CLMP: variants seen among roughly 807,000 people sequenced by gnomAD.
CLMP encodes the protein CXADR-like membrane protein.
In CLMP, 27 loss-of-function variants were observed where a neutral mutation model predicts 45.2. The ratio of observed to expected loss-of-function variants is 0.60; its 90% CI spans 0.44 to 0.82. The LOEUF (loss-of-function observed/expected upper bound fraction) is 0.82, where lower values mean the gene tolerates loss of function less well. Ranked by LOEUF, CLMP falls within the 40% of genes least tolerant of loss-of-function variation. CLMP has a pLI of 0.00. For synonymous variants in CLMP, 167 were observed against 171.4 expected (o/e 0.97, Z 0.20); for missense variants, 403 against 448.4 (o/e 0.90, Z 0.91).
chr11:123,110,829 C>T (rs940967301), intron 1 of CLMP, among the ~76,000 whole-genome samples: 1 of 152,138 alleles, frequency 6.6e-6, no homozygotes, highest in African/African-American at 2.4e-5. Context: ...AATATGTTGA[C>T]TGACTCTGTA....
intron 1 of CLMP, among the ~76,000 whole-genome samples, chr11:123,155,356 G>C (rs967439080): frequency 6.6e-6 from 1 of 152,218 alleles, no homozygotes; most frequent in Non-Finnish European, 1.5e-5. Context: ...CACAAGGGAA[G>C]TGCTGAAGCC....
rs112782290 is a variant in CLMP, at chr11:123,142,918, G to A, written c.29-44966C>T. On this transcript the variant is annotated intron_variant, in intron 1 of 6. Coordinates refer to ENST00000448775, the MANE Select transcript of CLMP (RefSeq NM_024769.5). The stretch of plus-strand genomic sequence containing the variant: ...TGGGACTACAGGCGTGAGCCACCGC[G>A]CCCGGCCGATGAGGTTTCTTAAAAC... Among the ~76,000 whole-genome samples, 920 of 152,196 alleles carry A rather than the reference G, an allele frequency of 6.0e-3. 10 individuals carry two copies. The highest frequency in any genetic ancestry group is 0.02 in the African/African-American group (830 of 41,512).
At chr11:123,105,030 AT>A (rs1242989016) in intron 1 of CLMP, among the ~76,000 whole-genome samples, 2 of 152,214 alleles carry the variant, frequency 1.3e-5, no homozygotes, top group Non-Finnish European at 2.9e-5. Flanking sequence ...CACAGGCAGA[AT>A]GCCTTCAGGG....
At chr11:123,143,629 G>T (rs534895708) in intron 1 of CLMP, among the ~76,000 whole-genome samples, 1 of 152,116 alleles carries the variant, frequency 6.6e-6, no homozygotes, top group Non-Finnish European at 1.5e-5. Context: ...TAACAATCAC[G>T]TGAGTGATGA....
chr11:123,160,707 G>A (rs1054636258), intron 1 of CLMP, among the ~76,000 whole-genome samples: 5 of 151,124 alleles, frequency 3.3e-5, no homozygotes, highest in African/African-American at 1.2e-4. Context: ...GAGGGGTGCA[G>A]TGACTCAAGC....
chr11:123,073,854 C>T (rs1433680101), intron 6 of CLMP, 80 bp from the exon 7 acceptor site: 39 of 1,449,040 alleles, frequency 2.7e-5, no homozygotes, highest in Non-Finnish European at 3.3e-5. Flanking sequence ...CTGAGGTTTC[C>T]GAAGCTGTGA....
At chr11:123,136,401 C>A in intron 1 of CLMP, 1 of 511,602 alleles carries the variant, frequency 2.0e-6, no homozygotes, top group Non-Finnish European at 3.7e-6. Context: ...CGCCGGTGGC[C>A]AGTTCTAGGG....
chr11:123,187,020 C>G (rs1420699804), intron 1 of CLMP, among the ~76,000 whole-genome samples: 1 of 152,192 alleles, frequency 6.6e-6, no homozygotes, highest in East Asian at 1.9e-4. Context: ...ATGATAATAA[C>G]AACAGACATT....
chr11:123,153,120 C>G (rs961138743), intron 1 of CLMP, among the ~76,000 whole-genome samples: 17 of 152,150 alleles, frequency 1.1e-4, no homozygotes, highest in African/African-American at 3.9e-4. Flanking sequence ...ATTGACATTA[C>G]GGCATCTCTC....
chr11:123,092,390 C>T lies in CLMP; in HGVS notation c.186+5405G>A, dbSNP rs11601130. Among the ~76,000 whole-genome samples the T allele has an allele frequency of 6.7e-3, 1,017 of 152,130 alleles. 19 individuals are homozygous for T. Among genetic ancestry groups the T allele is most frequent in the African/African-American group, 0.023 (962 of 41,486 alleles). On this transcript the variant is annotated intron_variant, in intron 2 of 6. Transcript: ENST00000448775. ...TTGGCCCACTGCAACCTCCACCTCCCGGGTTCAAGCGATTCTTCTGCCTCA... is the reference window on the plus strand; with the variant it reads ...TTGGCCCACTGCAACCTCCACCTCCTGGGTTCAAGCGATTCTTCTGCCTCA...
At chr11:123,190,179 T>C (rs1384970083) in intron 1 of CLMP, among the ~76,000 whole-genome samples, 2 of 152,080 alleles carry the variant, frequency 1.3e-5, no homozygotes, top group African/African-American at 4.8e-5. Context: ...GGTGGGGGGA[T>C]CGGGCCATCA....
At chr11:123,142,067 C>T (rs942670623) in intron 1 of CLMP, among the ~76,000 whole-genome samples, 2 of 151,334 alleles carry the variant, frequency 1.3e-5, no homozygotes, top group African/African-American at 4.9e-5. Flanking sequence ...CCACTGGACC[C>T]TCGACCTCCC....
intron 6 of CLMP, 100 bp downstream of exon 6, chr11:123,074,602 T>G (rs1427353436): frequency 2.4e-6 from 3 of 1,231,554 alleles, no homozygotes; most frequent in Non-Finnish European, 3.5e-6. Context: ...TTTAACAGAT[T>G]CATGGTTAAG....
chr11:123,188,794 A>G (rs919471366), intron 1 of CLMP: 49 of 152,202 alleles, frequency 3.2e-4, no homozygotes, highest in African/African-American at 1.2e-3. Context: ...CAAAGGAAAT[A>G]AACTTTTATT....
At chr11:123,184,933 C>T (rs1861814138) in intron 1 of CLMP, among the ~76,000 whole-genome samples, 1 of 152,176 alleles carries the variant, frequency 6.6e-6, no homozygotes. Flanking sequence ...CAGAGAACCC[C>T]AAACTGTACC....
intron 5 of CLMP, among the ~76,000 whole-genome samples, chr11:123,082,553 G>A (rs552960119): frequency 4.0e-5 from 6 of 151,680 alleles, no homozygotes; most frequent in African/African-American, 7.3e-5. Context: ...TGCCTGCCTC[G>A]GCCTCCCGAA....
chr11:123,081,915 A>G (rs1196171818), intron 5 of CLMP, among the ~76,000 whole-genome samples: 1 of 152,076 alleles, frequency 6.6e-6, no homozygotes, highest in African/African-American at 2.4e-5. Flanking sequence ...GTTAACTATT[A>G]TTCTCCTTTA....
intron 5 of CLMP, among the ~76,000 whole-genome samples, chr11:123,078,477 C>T (rs1458756286): frequency 1.3e-5 from 2 of 152,036 alleles, no homozygotes; most frequent in Non-Finnish European, 2.9e-5. Flanking sequence ...GCCAGAGTCT[C>T]ACTCTGTTGC....
intron 1 of CLMP, among the ~76,000 whole-genome samples, chr11:123,168,725 A>G (rs998394955): frequency 1.3e-5 from 2 of 152,212 alleles, no homozygotes; most frequent in African/African-American, 4.8e-5. Context: ...CAAGGTTCAA[A>G]TGCTGCTGAT....
Sources: gnomAD v4.1 joint callset for allele counts (sites outside exome capture counted in the v4.1 genomes callset) on GRCh38, gnomAD v4.1.1 for gene constraint, MANE v1.5 for transcripts, NCBI Gene and HGNC (gene_info 2026-07-23, HGNC 2026-07-21) for gene names.